The following CNTN3 variants were observed in gnomAD, a reference collection of about 807,000 sequenced individuals.
CNTN3 encodes the protein contactin 3.
A neutral mutation model predicts 119.1 loss-of-function variants in CNTN3; 60 were observed. The observed-to-expected ratio is 0.50, with a 90% CI of 0.41 to 0.62. The LOEUF (loss-of-function observed/expected upper bound fraction) is 0.62. CNTN3 is among the 20% of genes least tolerant of loss of function. The probability of loss-of-function intolerance (pLI) is 0.00; values close to 1 mark genes in which losing one functional copy is unlikely to be tolerated. For synonymous variants in CNTN3, 450 were observed against 438.7 expected, an observed-to-expected ratio of 1.03 and a Z score of -0.32; for missense variants, 1,101 against 1,242.4, an observed-to-expected ratio of 0.89 and a Z score of 1.71.
intron 1 of CNTN3, among the ~76,000 whole-genome samples, chr3:74,583,896 T>C (rs953026683): frequency 3.2e-4 from 49 of 152,300 alleles, no homozygotes; most frequent in Admixed American, 2.7e-3. Flanking sequence ...GCTTTATATA[T>C]AGACAGACCT....
chr3:74,579,663 C>T (rs1704472510), intron 1 of CNTN3, among the ~76,000 whole-genome samples: 1 of 151,860 alleles, frequency 6.6e-6, no homozygotes, highest in Admixed American at 6.6e-5. Flanking sequence ...TTCTAAATAA[C>T]CCAAGGGTTA....
chr3:74,547,578 C>T (rs769214139), intron 1 of CNTN3, among the ~76,000 whole-genome samples: 38 of 152,240 alleles, frequency 2.5e-4, no homozygotes, highest in African/African-American at 7.9e-4. Context: ...CATCTTTTTA[C>T]ACATTTAATA....
chr3:74,330,366 A>C (rs1221278626), intron 13 of CNTN3, among the ~76,000 whole-genome samples: 2 of 152,062 alleles, frequency 1.3e-5, no homozygotes, highest in African/African-American at 2.4e-5. Flanking sequence ...AAAAAAAAAA[A>C]AAAAGTTTCT....
At chr3:74,576,935 T>C (rs921835747) in intron 1 of CNTN3, among the ~76,000 whole-genome samples, 2 of 152,176 alleles carry the variant, frequency 1.3e-5, no homozygotes, top group Non-Finnish European at 2.9e-5. Context: ...CAACAGTGTC[T>C]GTCGAATCTT....
At chr3:74,303,247 C>T (rs1256849995) in intron 13 of CNTN3, among the ~76,000 whole-genome samples, 4 of 152,080 alleles carry the variant, frequency 2.6e-5, no homozygotes, top group African/African-American at 9.7e-5. Context: ...TGCAGCATGA[C>T]AAGCGGATTA....
At chr3:74,506,384 T>C (rs1203891743) in intron 2 of CNTN3, among the ~76,000 whole-genome samples, 1 of 152,136 alleles carries the variant, frequency 6.6e-6, no homozygotes, top group East Asian at 1.9e-4. Context: ...ATGTTCTTTA[T>C]AGTTGAATGA....
chr3:74,584,381 G>A (rs1704561198), intron 1 of CNTN3, among the ~76,000 whole-genome samples: 1 of 152,244 alleles, frequency 6.6e-6, no homozygotes, highest in Admixed American at 6.5e-5. Context: ...CCCCAATGTA[G>A]GAGGTGGGAC....
At chr3:74,589,965 G>T (rs989151722) in intron 1 of CNTN3, among the ~76,000 whole-genome samples, 7 of 132,812 alleles carry the variant, frequency 5.3e-5, no homozygotes, top group South Asian at 3.1e-4. Flanking sequence ...TGTGGGGTGG[G>T]GGGGAGGGGG....
At chr3:74,558,023 T>A (rs2107170278) in intron 1 of CNTN3, among the ~76,000 whole-genome samples, 1 of 152,294 alleles carries the variant, frequency 6.6e-6, no homozygotes, top group South Asian at 2.1e-4. Context: ...GAAATACAGG[T>A]GGCTGATGGC....
At chr3:74,445,592 A>G (rs1219276105) in intron 4 of CNTN3, among the ~76,000 whole-genome samples, 1 of 152,184 alleles carries the variant, frequency 6.6e-6, no homozygotes, top group Non-Finnish European at 1.5e-5. Flanking sequence ...CTTTAATAAG[A>G]TATTTATTTA....
chr3:74,335,565 A>T (rs951626648), intron 12 of CNTN3, among the ~76,000 whole-genome samples: 18 of 152,122 alleles, frequency 1.2e-4, no homozygotes. Flanking sequence ...CAAAGTCTTC[A>T]AAAGAGTCAT....
At chr3:74,588,266 T>A (rs1227987186) in intron 1 of CNTN3, among the ~76,000 whole-genome samples, 2 of 152,004 alleles carry the variant, frequency 1.3e-5, no homozygotes, top group Non-Finnish European at 2.9e-5. Flanking sequence ...ACTCTCAGGA[T>A]AAAAATCAAT....
At chr3:74,414,628 T>G (rs1159268452) in intron 5 of CNTN3, among the ~76,000 whole-genome samples, 1 of 152,178 alleles carries the variant, frequency 6.6e-6, no homozygotes, top group African/African-American at 2.4e-5. Context: ...GCCCCCTAAA[T>G]GAGCCACTAG....
intron 4 of CNTN3, among the ~76,000 whole-genome samples, chr3:74,449,334 A>T (rs1217583192): frequency 6.6e-6 from 1 of 152,074 alleles, no homozygotes; most frequent in African/African-American, 2.4e-5. Flanking sequence ...CCACTGCAGT[A>T]CAGAGTTTAA....
At chr3:74,294,572 C>T (rs1420657301) in intron 19 of CNTN3, among the ~76,000 whole-genome samples, 2 of 152,226 alleles carry the variant, frequency 1.3e-5, no homozygotes, top group Non-Finnish European at 1.5e-5. Flanking sequence ...TTCTTGACAA[C>T]ACAAACATTT....
chr3:74,571,298 T>C (rs1342496658), intron 1 of CNTN3, among the ~76,000 whole-genome samples: 2 of 152,154 alleles, frequency 1.3e-5, no homozygotes, highest in African/African-American at 2.4e-5. Context: ...GAGTTAGACA[T>C]TGACTCAGCT....
rs953078857 is a variant in CNTN3, at chr3:74,614,564, C to G, written c.-254G>C. On this transcript the variant is annotated 5_prime_UTR_variant, in exon 1 of 23. Transcript: ENST00000263665. ...GCAGCACCCTCGTCCGCACGGTTCC[C>G]GGCCCAGTCCACGGCGCCAGCCCGC... is the stretch of plus-strand genomic sequence containing the variant. Among the ~76,000 whole-genome samples the G allele has an allele frequency of 1.4e-5, 2 of 148,124 alleles. No homozygotes were observed. Among genetic ancestry groups the G allele is most frequent in the Non-Finnish European group, 3.0e-5 (2 of 66,624 alleles).
At chr3:74,394,057 A>G (rs1704984565) in intron 5 of CNTN3, among the ~76,000 whole-genome samples, 1 of 152,206 alleles carries the variant, frequency 6.6e-6, no homozygotes, top group African/African-American at 2.4e-5. Flanking sequence ...TCATGGGAAA[A>G]GCCAAAAAGA....
chr3:74,353,404 C>T lies in CNTN3; in HGVS notation c.1364+8486G>A, dbSNP rs778602983. On this transcript the variant is annotated intron_variant, in intron 11 of 22. Transcript: ENST00000263665. ...GGAGCATTTCTTGAGCTTTTAAACT[C>T]CTTTATGGAACTACTTGATCAGGGT... 2.0e-5 allele frequency among the ~76,000 whole-genome samples: 3 copies of T among 152,168 alleles called. No homozygotes were observed. The South Asian group carries it at 6.2e-4, about 32-fold the overall frequency.
Sources: allele counts gnomAD v4.1 joint callset (sites outside exome capture counted in the v4.1 genomes callset), GRCh38; gene constraint gnomAD v4.1.1; transcripts MANE v1.5; gene names NCBI Gene and HGNC (gene_info 2026-07-23, HGNC 2026-07-21).